The following GRM5 variants were observed in gnomAD, a reference collection of about 807,000 sequenced individuals.
The protein encoded by GRM5 is glutamate metabotropic receptor 5, also known as metabotropic glutamate receptor 5.
GRM5 carries 19 observed loss-of-function variants against 83.1 expected under a neutral mutation model. The observed-to-expected ratio is 0.23, with a 90% CI of 0.16 to 0.34. The LOEUF (loss-of-function observed/expected upper bound fraction) is 0.34. GRM5 is among the 10% of genes least tolerant of loss of function. GRM5 has a pLI of 1.00. For missense variants in GRM5, 1,160 were observed against 1,588.3 expected, an observed-to-expected ratio of 0.73 and a Z score of 4.58; for synonymous variants, 675 against 633.6, an observed-to-expected ratio of 1.07 and a Z score of -0.98.
chr11:88,614,544 A>G (rs1186603644), intron 4 of GRM5, among the ~76,000 whole-genome samples: 2 of 152,288 alleles, frequency 1.3e-5, no homozygotes, highest in South Asian at 2.1e-4. Flanking sequence ...CTGGTCCACA[A>G]TAGACAGCAA....
intron 3 of GRM5, among the ~76,000 whole-genome samples, chr11:88,734,731 T>G (rs1213060673): frequency 6.6e-6 from 1 of 152,086 alleles, no homozygotes; most frequent in East Asian, 1.9e-4. Flanking sequence ...AGTGACAAAA[T>G]TCTGTGTATC....
At chr11:89,063,042 C>A (rs1452797031) in intron 1 of GRM5, among the ~76,000 whole-genome samples, 2 of 152,252 alleles carry the variant, frequency 1.3e-5, no homozygotes, top group African/African-American at 4.8e-5. Flanking sequence ...CGCTGTCCCC[C>A]CTCTTCCTGC....
At chr11:88,917,675 C>T (rs755057581) in intron 2 of GRM5, among the ~76,000 whole-genome samples, 1 of 152,044 alleles carries the variant, frequency 6.6e-6, no homozygotes, top group East Asian at 1.9e-4. Context: ...AATTCTGGAA[C>T]AGCCCTATTA....
intron 3 of GRM5, among the ~76,000 whole-genome samples, chr11:88,750,201 T>G (rs1344603776): frequency 6.6e-6 from 1 of 152,014 alleles, no homozygotes; most frequent in Admixed American, 6.6e-5. Context: ...CCATCTCACA[T>G]GCAAAGACAC....
At chr11:88,983,332 C>T (rs1939588084) in intron 2 of GRM5, among the ~76,000 whole-genome samples, 1 of 152,084 alleles carries the variant, frequency 6.6e-6, no homozygotes, top group Admixed American at 6.6e-5. Flanking sequence ...TTAATTGGCA[C>T]CTAAAGAGTT....
chr11:88,735,599 G>A (rs985510739), intron 3 of GRM5, among the ~76,000 whole-genome samples: 1 of 152,000 alleles, frequency 6.6e-6, no homozygotes, highest in Non-Finnish European at 1.5e-5. Context: ...CTGCCTTCAC[G>A]CCTGATATCC....
At chr11:88,672,873 G>A (rs1458669096) in intron 3 of GRM5, among the ~76,000 whole-genome samples, 2 of 151,964 alleles carry the variant, frequency 1.3e-5, no homozygotes, top group Non-Finnish European at 2.9e-5. Flanking sequence ...TGTTGTATGT[G>A]AAGCAGTTTA....
intron 3 of GRM5, among the ~76,000 whole-genome samples, chr11:88,826,058 G>A (rs1049868529): frequency 2.5e-4 from 38 of 152,230 alleles, no homozygotes; most frequent in African/African-American, 8.9e-4. Flanking sequence ...GGTGTTAAGA[G>A]GTGTTTTCTT....
chr11:88,635,504 GT>G (rs1939093861), intron 4 of GRM5, among the ~76,000 whole-genome samples: 1 of 152,008 alleles, frequency 6.6e-6, no homozygotes, highest in South Asian at 2.1e-4. Context: ...CTTAGTCCAG[GT>G]TTTAGATATG....
intron 3 of GRM5, among the ~76,000 whole-genome samples, chr11:88,735,795 C>T (rs192848617): frequency 3.3e-5 from 5 of 152,056 alleles, no homozygotes; most frequent in South Asian, 2.1e-4. Flanking sequence ...ACATTGACTG[C>T]GTTAATACTG....
intron 3 of GRM5, among the ~76,000 whole-genome samples, chr11:88,748,793 G>A (rs1177226608): frequency 6.6e-6 from 1 of 152,094 alleles, no homozygotes; most frequent in Non-Finnish European, 1.5e-5. Flanking sequence ...CTCCAGGTAT[G>A]GGAAAAACTG....
At chr11:88,935,288 C>A (rs1937853728) in intron 2 of GRM5, among the ~76,000 whole-genome samples, 1 of 151,702 alleles carries the variant, frequency 6.6e-6, no homozygotes, top group Non-Finnish European at 1.5e-5. Context: ...TATAAGGTGA[C>A]AAGAATGTTT....
chr11:88,752,051 G>A (rs1002393122), intron 3 of GRM5, among the ~76,000 whole-genome samples: 2 of 152,152 alleles, frequency 1.3e-5, no homozygotes, highest in Non-Finnish European at 2.9e-5. Context: ...ACAAGACAAT[G>A]ATGCCCTCTC....
intron 3 of GRM5, among the ~76,000 whole-genome samples, chr11:88,798,338 C>G (rs887959726): frequency 6.6e-6 from 1 of 152,116 alleles, no homozygotes; most frequent in Non-Finnish European, 1.5e-5. Context: ...AGTCCCAAAA[C>G]TTTTATTAAA....
At chr11:88,767,260 C>T (rs12421241) in intron 3 of GRM5, among the ~76,000 whole-genome samples, 8,083 of 151,972 alleles carry the variant, frequency 0.053, 403 homozygotes, top group Admixed American at 0.16. Flanking sequence ...TTGTGAAAAG[C>T]GGTGTGTCAA....
rs2135064958 is a variant in GRM5, at chr11:88,505,677, T to C, written c.*2915A>G. 6.6e-6 allele frequency: 1 copy of C among 152,364 alleles called. No homozygotes were observed. The highest frequency in any genetic ancestry group is 1.9e-4 in the East Asian group (1 of 5,188). 9.4% of individuals were successfully genotyped at this position (152,364 alleles called of 1,614,324 possible). A position where few individuals can be genotyped will look rare whatever the true frequency, so the allele number is the denominator to read the frequency against. On this transcript the variant is annotated 3_prime_UTR_variant, in exon 10 of 10. Coordinates refer to ENST00000305447, the MANE Select transcript of GRM5 (RefSeq NM_001143831.3). ...TGGAAGGATGAGTGGACTGCTTAGA[T>C]TAGTCAGTATAACTTGGTTAAACCA... is the stretch of plus-strand genomic sequence containing the variant.
intron 3 of GRM5, among the ~76,000 whole-genome samples, chr11:88,671,898 A>G (rs768544896): frequency 1.2e-4 from 19 of 152,086 alleles, no homozygotes; most frequent in Non-Finnish European, 2.5e-4. Context: ...TGTACTACAC[A>G]TCATGGTTTC....
chr11:88,575,898 A>G (rs1943100165), intron 7 of GRM5, among the ~76,000 whole-genome samples: 1 of 152,080 alleles, frequency 6.6e-6, no homozygotes, highest in South Asian at 2.1e-4. Context: ...ATTCACAGCT[A>G]TAGTTTTTAT....
At chr11:89,031,215 G>A (rs1941254233) in intron 2 of GRM5, among the ~76,000 whole-genome samples, 3 of 151,940 alleles carry the variant, frequency 2.0e-5, no homozygotes, top group South Asian at 2.1e-4. Flanking sequence ...GTAGTAAGAT[G>A]AGTGTTTTTA....
Sources: allele counts gnomAD v4.1 joint callset (sites outside exome capture counted in the v4.1 genomes callset), GRCh38; gene constraint gnomAD v4.1.1; transcripts MANE v1.5; gene names NCBI Gene and HGNC (gene_info 2026-07-23, HGNC 2026-07-21).